Variants in CCDC150 observed in about 807,000 individuals in gnomAD.
The protein encoded by CCDC150 is coiled-coil domain containing 150.
Under a neutral mutation model 156.5 loss-of-function variants are expected in CCDC150, and 151 were observed. That is an observed-to-expected ratio of 0.97 (90% CI 0.85 to 1.10). The LOEUF (loss-of-function observed/expected upper bound fraction) is 1.10. CCDC150 is among the 50% of genes least tolerant of loss of function. CCDC150 has a pLI of 0.00. For synonymous variants in CCDC150, 452 were observed against 429.4 expected, an observed-to-expected ratio of 1.05 and a Z score of -0.65; for missense variants, 1,312 against 1,268.1, an observed-to-expected ratio of 1.03 and a Z score of -0.53.
At chr2:196,684,751 A>G (rs1695031437) in intron 13 of CCDC150, among the ~76,000 whole-genome samples, 1 of 152,160 alleles carries the variant, frequency 6.6e-6, no homozygotes, top group African/African-American at 2.4e-5. Context: ...ATATATTTAT[A>G]AATGATACAT....
At chr2:196,714,459 G>C (rs537642584) in intron 17 of CCDC150, among the ~76,000 whole-genome samples, 4 of 152,180 alleles carry the variant, frequency 2.6e-5, no homozygotes, top group Admixed American at 2.6e-4. Context: ...TGGTGGAAGC[G>C]GGAGGAGTGT....
intron 26 of CCDC150, among the ~76,000 whole-genome samples, chr2:196,731,537 TGGTGGTGC>T (rs1238350743): frequency 6.6e-6 from 1 of 151,112 alleles, no homozygotes; most frequent in African/African-American, 2.4e-5. Context: ...TAGCTGGGCA[TGGTGGTGC>T]ACCATGCCCA....
At chr2:196,681,907 G>T (rs1030737253) in intron 13 of CCDC150, among the ~76,000 whole-genome samples, 2 of 151,888 alleles carry the variant, frequency 1.3e-5, no homozygotes, top group Non-Finnish European at 2.9e-5. Context: ...CCATTCTGTG[G>T]GTTGTATTTT....
intron 5 of CCDC150, among the ~76,000 whole-genome samples, chr2:196,662,948 C>T (rs1052370204): frequency 6.6e-6 from 1 of 151,686 alleles, no homozygotes; most frequent in Admixed American, 6.6e-5. Flanking sequence ...CCCACAAAAA[C>T]TTAAAACTGC....
At position 196,644,944 on chromosome 2, in the gene CCDC150, G is replaced by A. The variant is rs186232141; in HGVS notation, c.13-1397G>A. ...AGCCTGGCCAACATGGTGAAACCCC[G>A]TCTCTACTAAAAATACAAAAAAAAA... is the stretch of plus-strand genomic sequence containing the variant. On this transcript the variant is annotated intron_variant, in intron 1 of 27. Transcript: ENST00000389175. 3.1e-3 allele frequency among the ~76,000 whole-genome samples: 431 copies of A among 140,178 alleles called. 3 individuals carry two copies. The highest frequency in any genetic ancestry group is 0.011 in the African/African-American group (396 of 36,940). 92.0% of individuals were successfully genotyped at this position (140,178 alleles called of 152,430 possible).
intron 5 of CCDC150, 78 bp downstream of exon 5, chr2:196,658,938 A>ATTCTAAAT: frequency 2.0e-6 from 2 of 1,008,304 alleles, no homozygotes; most frequent in Non-Finnish European, 3.0e-6. Context: ...GAATGAAAAG[A>ATTCTAAAT]AACCTTTGAA....
chr2:196,656,153 T>C (rs1243309130), intron 2 of CCDC150, among the ~76,000 whole-genome samples: 3 of 152,210 alleles, frequency 2.0e-5, no homozygotes, highest in Non-Finnish European at 4.4e-5. Flanking sequence ...GACTTGTGTA[T>C]GCCTCTAATC....
intron 15 of CCDC150, among the ~76,000 whole-genome samples, chr2:196,702,836 A>G (rs1696332065): frequency 6.6e-6 from 1 of 152,150 alleles, no homozygotes; most frequent in African/African-American, 2.4e-5. Flanking sequence ...TATTTGGCTC[A>G]TGATTCTGGA....
chr2:196,712,249 T>G lies in CCDC150; in HGVS notation c.1800T>G (p.Ala600=), dbSNP rs1379968919. The G allele has an allele frequency of 6.8e-7, 1 of 1,479,494 alleles. No homozygotes were observed. The highest frequency in any genetic ancestry group is 9.2e-7 in the Non-Finnish European group (1 of 1,090,928). 91.6% of individuals were successfully genotyped at this position (1,479,494 alleles called of 1,614,324 possible). A position where few individuals can be genotyped will look rare whatever the true frequency, so the allele number is the denominator to read the frequency against. The change falls in exon 16 of 28, where the codon GCT becomes GCG. Residue 600 remains alanine (A), a synonymous_variant. Coordinates refer to ENST00000389175, the MANE Select transcript of CCDC150 (RefSeq NM_001080539.2). The part of the protein sequence containing the change: ...KMNKYLQTKY[A]QANSELSAKR... ...ATAAGTATTTACAGACTAAATATGC[T>G]CAGGTGTGATTAATATCTACAAAAG...
intron 13 of CCDC150, among the ~76,000 whole-genome samples, chr2:196,683,285 T>C (rs1320799395): frequency 6.6e-6 from 1 of 152,082 alleles, no homozygotes; most frequent in Admixed American, 6.5e-5. Flanking sequence ...CTTGTGGGTT[T>C]TGTTCTTTGT....
At chr2:196,690,324 T>TATAC (rs1310309960) in intron 13 of CCDC150, among the ~76,000 whole-genome samples, 2 of 152,028 alleles carry the variant, frequency 1.3e-5, no homozygotes, top group African/African-American at 2.4e-5. Context: ...ATGGCACATG[T>TATAC]ATACATATGT....
chr2:196,708,878 A>AACG (rs1346997925), intron 15 of CCDC150, among the ~76,000 whole-genome samples: 4 of 152,318 alleles, frequency 2.6e-5, no homozygotes, highest in Admixed American at 2.0e-4. Flanking sequence ...ATCTGCTCTT[A>AACG]GTCTGATGGG....
At position 196,646,471 on chromosome 2, in the gene CCDC150, A is replaced by C. The variant is rs1692547471; in HGVS notation, c.143A>C (p.Asp48Ala). 1.9e-6 allele frequency: 3 copies of C among 1,613,712 alleles called. No individual in the cohort carries two copies. The highest frequency in any genetic ancestry group is 1.7e-6 in the Non-Finnish European group (2 of 1,179,746). Residue 48 changes from aspartate to alanine, a missense_variant, in exon 2 of 28, where the codon GAT becomes GCT. Asp to Ala is a moderately radical substitution (Grantham distance 126). Coordinates refer to ENST00000389175, the MANE Select transcript of CCDC150 (RefSeq NM_001080539.2). Reference sequence around the variant, plus strand: ...GAGGAACAGACCAGTTCACTGAGGGATGACCTAATAATGTTGGATTTTGGT... The same window carrying C: ...GAGGAACAGACCAGTTCACTGAGGGCTGACCTAATAATGTTGGATTTTGGT... ...IVEEQTSSLR[D>A]DLIMLDFGEK...
chr2:196,712,317 CT>C, intron 16 of CCDC150, 65 bp downstream of exon 16: 16 of 856,388 alleles, frequency 1.9e-5, no homozygotes, highest in South Asian at 5.7e-5. Context: ...TGTTTGATGT[CT>C]TTTTCCCCAC....
intron 4 of CCDC150, among the ~76,000 whole-genome samples, chr2:196,657,666 G>A (rs1693297877): frequency 6.6e-6 from 1 of 152,126 alleles, no homozygotes; most frequent in South Asian, 2.1e-4. Flanking sequence ...CACACGCAGA[G>A]GCAGCAAAGA....
At chr2:196,672,490 T>A in intron 9 of CCDC150, 53 bp downstream of exon 9, 1 of 1,007,164 alleles carries the variant, frequency 9.9e-7, no homozygotes, top group Non-Finnish European at 1.4e-6. Context: ...TTTGTTCAAT[T>A]AAATAACCAA....
At chr2:196,722,306 C>T (rs1022439136) in intron 21 of CCDC150, among the ~76,000 whole-genome samples, 3 of 152,136 alleles carry the variant, frequency 2.0e-5, no homozygotes, top group South Asian at 2.1e-4. Flanking sequence ...GACTGGGTCT[C>T]GCCCTGTTGC....
intron 2 of CCDC150, among the ~76,000 whole-genome samples, chr2:196,650,694 A>G (rs1355334702): frequency 6.6e-6 from 1 of 152,168 alleles, no homozygotes; most frequent in Non-Finnish European, 1.5e-5. Context: ...ACCAGCTGCT[A>G]GTGTTTTTAT....
At position 196,732,494 on chromosome 2, in the gene CCDC150, C is replaced by A; in HGVS notation, c.3238C>A (p.Arg1080=). The change falls in exon 28 of 28, where the codon CGA becomes AGA. Residue 1080 remains arginine, a synonymous_variant. Coordinates refer to ENST00000389175, the MANE Select transcript of CCDC150 (RefSeq NM_001080539.2). ...DVMSNQSVLH[R]WERKQNLRPM... ...CATGTCCAACCAATCTGTTCTGCAT[C>A]GATGGGAGAGAAAACAGAATCTTAG... The A allele has an allele frequency of 6.2e-7, 1 of 1,613,668 alleles. No homozygotes were observed. Among genetic ancestry groups the A allele is most frequent in the South Asian group, 1.1e-5 (1 of 91,062 alleles).
Sources: allele counts gnomAD v4.1 joint callset (sites outside exome capture counted in the v4.1 genomes callset), GRCh38; gene constraint gnomAD v4.1.1; transcripts MANE v1.5; gene names NCBI Gene and HGNC (gene_info 2026-07-23, HGNC 2026-07-21).